Variants in SDHC observed in about 807,000 individuals in gnomAD.
SDHC encodes succinate dehydrogenase cytochrome b560 subunit, mitochondrial.
A neutral mutation model predicts 22.6 loss-of-function variants in SDHC; 11 were observed. The ratio of observed to expected loss-of-function variants is 0.49; its 90% confidence interval spans 0.31 to 0.81. The LOEUF (loss-of-function observed/expected upper bound fraction) is 0.81, where lower values mean the gene tolerates loss of function less well. Among genes scored for constraint, SDHC ranks in the 30% least tolerant of loss-of-function variants. The pLI is 0.05. For missense variants in SDHC, 160 were observed against 212.0 expected, an observed-to-expected ratio of 0.75 and a Z score of 1.52; for synonymous variants, 80 against 77.8, an observed-to-expected ratio of 1.03 and a Z score of -0.15.
intron 4 of SDHC, 106 bp from the exon 5 acceptor site, chr1:161,356,571 T>A (rs181172614): frequency 5.3e-5 from 62 of 1,169,382 alleles, no homozygotes; most frequent in Non-Finnish European, 6.9e-5. Context: ...CTTCTCCATT[T>A]CAAAATGGTT....
intron 3 of SDHC, among the ~76,000 whole-genome samples, chr1:161,335,193 C>A (rs1270477193): frequency 6.6e-6 from 1 of 152,188 alleles, no homozygotes; most frequent in African/African-American, 2.4e-5. Flanking sequence ...TAATGCTATA[C>A]TTCTGTCAGT....
At chr1:161,340,406 G>A (rs1173690179) in intron 3 of SDHC, among the ~76,000 whole-genome samples, 188 bp from the exon 4 acceptor site, 2 of 151,796 alleles carry the variant, frequency 1.3e-5, no homozygotes, top group Non-Finnish European at 2.9e-5. Context: ...GACCCGGGAA[G>A]TGGAGGTTGC....
chr1:161,344,245 G>A (rs1054241044), intron 4 of SDHC, among the ~76,000 whole-genome samples: 2 of 152,118 alleles, frequency 1.3e-5, no homozygotes, highest in African/African-American at 4.8e-5. Context: ...AGCTGAGATT[G>A]CGCCACTGCA....
chr1:161,344,339 A>C (rs1671822885), intron 4 of SDHC, among the ~76,000 whole-genome samples: 1 of 151,854 alleles, frequency 6.6e-6, no homozygotes, highest in African/African-American at 2.4e-5. Flanking sequence ...GCATGCATCT[A>C]TAGTCTCAGC....
chr1:161,349,130 A>G (rs1421238730), intron 4 of SDHC, among the ~76,000 whole-genome samples: 1 of 152,178 alleles, frequency 6.6e-6, no homozygotes, highest in Non-Finnish European at 1.5e-5. Flanking sequence ...ATTAGCTTGA[A>G]TGGATATAAG....
intron 3 of SDHC, among the ~76,000 whole-genome samples, chr1:161,330,907 A>G (rs1671247010): frequency 6.6e-6 from 1 of 151,702 alleles, no homozygotes; most frequent in Admixed American, 6.6e-5. Flanking sequence ...CTGAGGCACA[A>G]GAATCTCTTG....
chr1:161,346,887 A>T (rs1163481969), intron 4 of SDHC, among the ~76,000 whole-genome samples: 1 of 152,242 alleles, frequency 6.6e-6, no homozygotes, highest in Non-Finnish European at 1.5e-5. Flanking sequence ...ACTTAAAATT[A>T]TCTCTAGATT....
chr1:161,339,631 T>G (rs1191582056), intron 3 of SDHC: 6 of 876,580 alleles, frequency 6.8e-6, no homozygotes, highest in Non-Finnish European at 9.3e-6. Flanking sequence ...TATTCTTTAA[T>G]TTATTTTTGT....
At position 161,322,568 on chromosome 1, in the gene SDHC, TTTG is replaced by T. The variant is rs2102292534; in HGVS notation, c.21-1043_21-1041del. Among the ~76,000 whole-genome samples, 3 of 148,054 alleles carry T rather than the reference TTTG, an allele frequency of 2.0e-5. No homozygotes were observed. The South Asian group carries it at 6.6e-4, about 32-fold the overall frequency. On this transcript the variant is annotated intron_variant, in intron 1 of 5. Coordinates refer to ENST00000367975, the MANE Select transcript of SDHC (RefSeq NM_003001.5). Reference sequence around the variant, plus strand: ...TTAAACCTTTTTTTGTTTGTTTGTTTTTGTTTTTTTTTTTTTGAGACAAGGTCT... The same window carrying T: ...TTAAACCTTTTTTTGTTTGTTTGTTTTTTTTTTTTTTTTGAGACAAGGTCT...
intron 4 of SDHC, among the ~76,000 whole-genome samples, chr1:161,342,744 C>G (rs974769479): frequency 3.3e-5 from 5 of 152,274 alleles, no homozygotes; most frequent in Admixed American, 2.0e-4. Context: ...ATCTGCCCGC[C>G]TCGGCCTCCC....
At chr1:161,340,153 G>A (rs1410199637) in intron 3 of SDHC, among the ~76,000 whole-genome samples, 1 of 152,058 alleles carries the variant, frequency 6.6e-6, no homozygotes, top group East Asian at 1.9e-4. Flanking sequence ...GGCGGACCTG[G>A]TGGCAGGCAC....
chr1:161,339,634 A>C (rs902879566), intron 3 of SDHC: 1 of 396,528 alleles, frequency 2.5e-6, no homozygotes, highest in Non-Finnish European at 3.4e-6. Context: ...TCTTTAATTT[A>C]TTTTTGTAAC....
At chr1:161,335,672 T>C (rs942577169) in intron 3 of SDHC, among the ~76,000 whole-genome samples, 1 of 152,142 alleles carries the variant, frequency 6.6e-6, no homozygotes, top group Non-Finnish European at 1.5e-5. Context: ...GTGAAATCAG[T>C]ATCTGGGTGC....
intron 4 of SDHC, among the ~76,000 whole-genome samples, chr1:161,353,292 C>CTGTT (rs1352107782): frequency 2.0e-5 from 3 of 152,094 alleles, no homozygotes; most frequent in Non-Finnish European, 4.4e-5. Flanking sequence ...AGCTGTGAGC[C>CTGTT]TGTTGTCCTA....
chr1:161,333,690 C>T (rs569171659), intron 3 of SDHC, among the ~76,000 whole-genome samples: 19 of 152,350 alleles, frequency 1.2e-4, no homozygotes, highest in Non-Finnish European at 1.9e-4. Context: ...GCATGAGCCA[C>T]GGCATCCGGC....
intron 4 of SDHC, among the ~76,000 whole-genome samples, chr1:161,356,454 G>A (rs1411782373): frequency 1.3e-5 from 2 of 152,100 alleles, no homozygotes; most frequent in South Asian, 2.1e-4. Flanking sequence ...CAGGAGACTC[G>A]CTTGAACTTG....
At chr1:161,327,554 T>C (rs1198210440) in intron 2 of SDHC, among the ~76,000 whole-genome samples, 2 of 149,554 alleles carry the variant, frequency 1.3e-5, no homozygotes, top group African/African-American at 5.0e-5. Context: ...AGATGGAGTT[T>C]ATTTATTTAT....
intron 2 of SDHC, among the ~76,000 whole-genome samples, chr1:161,326,205 TA>T (rs113137363): frequency 2.4e-3 from 333 of 137,500 alleles, no homozygotes; most frequent in Middle Eastern, 7.4e-3. Flanking sequence ...CATCTCAAAT[TA>T]AAAAAAAAAA....
chr1:161,333,129 A>G (rs1367629746), intron 3 of SDHC, among the ~76,000 whole-genome samples: 1 of 152,160 alleles, frequency 6.6e-6, no homozygotes, highest in Non-Finnish European at 1.5e-5. Flanking sequence ...ACTTACCATA[A>G]TGTTTTCAGC....
Sources: allele counts gnomAD v4.1 joint callset (sites outside exome capture counted in the v4.1 genomes callset), GRCh38; gene constraint gnomAD v4.1.1; transcripts MANE v1.5; gene names NCBI Gene and HGNC (gene_info 2026-07-23, HGNC 2026-07-21).